Variants in JAKMIP2 observed in about 807,000 individuals in gnomAD.
JAKMIP2 encodes the protein janus kinase and microtubule-interacting protein 2.
Under a neutral mutation model 115.0 loss-of-function variants are expected in JAKMIP2, and 25 were observed. That is an observed-to-expected ratio of 0.22 (90% CI 0.16 to 0.30). The LOEUF (loss-of-function observed/expected upper bound fraction) is 0.30. Among genes scored for constraint, JAKMIP2 ranks in the 10% least tolerant of loss-of-function variants. The probability of loss-of-function intolerance (pLI) is 1.00; values close to 1 mark genes in which losing one functional copy is unlikely to be tolerated. For synonymous variants in JAKMIP2, 334 were observed against 343.6 expected, an observed-to-expected ratio of 0.97 and a Z score of 0.31; for missense variants, 642 against 957.6, an observed-to-expected ratio of 0.67 and a Z score of 4.35.
chr5:147,727,007 A>G (rs945822898), intron 1 of JAKMIP2, among the ~76,000 whole-genome samples: 4 of 152,226 alleles, frequency 2.6e-5, no homozygotes, highest in Non-Finnish European at 5.9e-5. Flanking sequence ...TCTTTTCACA[A>G]TGACGGCCTG....
intron 1 of JAKMIP2, among the ~76,000 whole-genome samples, chr5:147,762,378 G>T (rs1433619091): frequency 1.3e-5 from 2 of 151,934 alleles, no homozygotes; most frequent in Non-Finnish European, 2.9e-5. Context: ...GTATTAGTTT[G>T]CCAGGGCTAC....
At chr5:147,739,068 G>A (rs1205998652) in intron 1 of JAKMIP2, among the ~76,000 whole-genome samples, 1 of 152,094 alleles carries the variant, frequency 6.6e-6, no homozygotes, top group African/African-American at 2.4e-5. Context: ...GGTCACACCT[G>A]CTCCTTAAGC....
chr5:147,703,755 T>C (rs2126893451), intron 1 of JAKMIP2, among the ~76,000 whole-genome samples: 1 of 152,222 alleles, frequency 6.6e-6, no homozygotes, highest in East Asian at 1.9e-4. Flanking sequence ...TCATAAACTT[T>C]TTTTTTACTT....
At chr5:147,716,362 T>G (rs1307858858) in intron 1 of JAKMIP2, among the ~76,000 whole-genome samples, 2 of 144,940 alleles carry the variant, frequency 1.4e-5, no homozygotes, top group African/African-American at 2.6e-5. Flanking sequence ...ATATACCCAG[T>G]AATGGGATGG....
chr5:147,654,293 T>A (rs1297976655), intron 3 of JAKMIP2, among the ~76,000 whole-genome samples: 7 of 151,684 alleles, frequency 4.6e-5, no homozygotes, highest in Non-Finnish European at 4.4e-5. Flanking sequence ...GATCTATAAA[T>A]TACTTTTGTC....
intron 20 of JAKMIP2, among the ~76,000 whole-genome samples, chr5:147,605,326 C>T (rs1581272704): frequency 6.6e-6 from 1 of 151,542 alleles, no homozygotes; most frequent in South Asian, 2.1e-4. Context: ...TCTCCTGCCT[C>T]AGCCTCTCCA....
intron 1 of JAKMIP2, among the ~76,000 whole-genome samples, chr5:147,710,239 A>C (rs1752728470): frequency 6.6e-6 from 1 of 152,210 alleles, no homozygotes; most frequent in Non-Finnish European, 1.5e-5. Flanking sequence ...TCAAGGTATC[A>C]TACAGATTTT....
At chr5:147,643,670 C>G (rs775603867) in intron 7 of JAKMIP2, among the ~76,000 whole-genome samples, 1 of 152,076 alleles carries the variant, frequency 6.6e-6, no homozygotes, top group Non-Finnish European at 1.5e-5. Context: ...TGAATTGAGA[C>G]CTGGGAAACA....
chr5:147,643,446 G>C (rs1201361437), intron 7 of JAKMIP2, among the ~76,000 whole-genome samples: 1 of 152,022 alleles, frequency 6.6e-6, no homozygotes, highest in African/African-American at 2.4e-5. Context: ...AGGCAAAGAA[G>C]AAAACCCAAA....
At chr5:147,652,329 A>G (rs1223324433) in intron 3 of JAKMIP2, among the ~76,000 whole-genome samples, 1 of 152,178 alleles carries the variant, frequency 6.6e-6, no homozygotes, top group Admixed American at 6.5e-5. Context: ...TTATTCATAT[A>G]CTTTAAGCAT....
chr5:147,744,004 TTCC>T (rs1335861486), intron 1 of JAKMIP2, among the ~76,000 whole-genome samples: 3 of 32,694 alleles, frequency 9.2e-5, no homozygotes, highest in East Asian at 1.4e-3. Flanking sequence ...ACTTCTTTCC[TTCC>T]TTCCTTCCTT....
intron 1 of JAKMIP2, among the ~76,000 whole-genome samples, chr5:147,734,315 T>A (rs1580852719): frequency 6.6e-6 from 1 of 152,208 alleles, no homozygotes; most frequent in African/African-American, 2.4e-5. Context: ...TGGAATGCTA[T>A]GCAGCCATAA....
At chr5:147,769,356 A>G (rs1295456317) in intron 1 of JAKMIP2, among the ~76,000 whole-genome samples, 1 of 152,166 alleles carries the variant, frequency 6.6e-6, no homozygotes, top group Non-Finnish European at 1.5e-5. Flanking sequence ...CCTTCATGAT[A>G]AGGATGACTG....
chr5:147,660,101 G>A (rs1161516690), intron 3 of JAKMIP2, among the ~76,000 whole-genome samples: 1 of 152,170 alleles, frequency 6.6e-6, no homozygotes, highest in African/African-American at 2.4e-5. Flanking sequence ...AAAGTAAGAT[G>A]TAACAGATGC....
At chr5:147,747,848 T>C (rs145819803) in intron 1 of JAKMIP2, among the ~76,000 whole-genome samples, 2 of 152,338 alleles carry the variant, frequency 1.3e-5, no homozygotes, top group East Asian at 3.9e-4. Context: ...CCTTTGTATC[T>C]TTGCATAAGC....
intron 1 of JAKMIP2, among the ~76,000 whole-genome samples, chr5:147,707,020 T>G (rs1221757877): frequency 6.6e-6 from 1 of 152,174 alleles, no homozygotes; most frequent in Non-Finnish European, 1.5e-5. Flanking sequence ...GGCCTTTTTT[T>G]GAGGGTTATG....
chr5:147,736,733 A>G (rs890163322), intron 1 of JAKMIP2, among the ~76,000 whole-genome samples: 4 of 152,146 alleles, frequency 2.6e-5, no homozygotes, highest in Admixed American at 2.6e-4. Flanking sequence ...TTGAAACCCT[A>G]TATTGTTTCA....
chr5:147,730,578 C>T (rs566791577), intron 1 of JAKMIP2, among the ~76,000 whole-genome samples: 1 of 152,104 alleles, frequency 6.6e-6, no homozygotes, highest in Non-Finnish European at 1.5e-5. Flanking sequence ...GCCTCAGCCT[C>T]CCTAGTAGCT....
chr5:147,747,501 C>A (rs1462833745), intron 1 of JAKMIP2, among the ~76,000 whole-genome samples: 1 of 152,134 alleles, frequency 6.6e-6, no homozygotes, highest in Non-Finnish European at 1.5e-5. Context: ...TGACTCTGAT[C>A]TGATGCAGTC....
Sources: gnomAD v4.1 joint callset for allele counts (sites outside exome capture counted in the v4.1 genomes callset) on GRCh38, gnomAD v4.1.1 for gene constraint, MANE v1.5 for transcripts, NCBI Gene and HGNC (gene_info 2026-07-23, HGNC 2026-07-21) for gene names.